MSH3: variants seen among roughly 807,000 people sequenced by gnomAD.
The protein encoded by MSH3 is DNA mismatch repair protein Msh3.
MSH3 carries 106 observed loss-of-function variants against 123.3 expected under a neutral mutation model. The observed-to-expected ratio is 0.86, with a 90% CI of 0.73 to 1.01. The LOEUF (loss-of-function observed/expected upper bound fraction) is 1.01, where lower values mean the gene tolerates loss of function less well. Ranked by LOEUF, MSH3 falls within the 50% of genes least tolerant of loss-of-function variation. MSH3 has a pLI of 0.00. For missense variants in MSH3, 1,459 were observed against 1,347.6 expected, an observed-to-expected ratio of 1.08 and a Z score of -1.29; for synonymous variants, 515 against 481.4, an observed-to-expected ratio of 1.07 and a Z score of -0.91.
At chr5:80,668,252 G>A (rs181371006) in intron 3 of MSH3, among the ~76,000 whole-genome samples, 4 of 152,186 alleles carry the variant, frequency 2.6e-5, no homozygotes, top group Non-Finnish European at 5.9e-5. Context: ...TTCATGGGCT[G>A]CCATGGGCGG....
At chr5:80,702,842 T>A (rs1378735647) in intron 8 of MSH3, among the ~76,000 whole-genome samples, 2 of 152,128 alleles carry the variant, frequency 1.3e-5, no homozygotes, top group Non-Finnish European at 2.9e-5. Context: ...TAAATCCCTG[T>A]CTTTACTAAA....
intron 10 of MSH3, among the ~76,000 whole-genome samples, chr5:80,733,318 G>T (rs1276461422): frequency 3.3e-5 from 5 of 152,112 alleles, no homozygotes; most frequent in African/African-American, 9.7e-5. Context: ...TCATATTTGA[G>T]TTTGGAAGAT....
At chr5:80,807,301 C>G (rs754053722) in intron 19 of MSH3, among the ~76,000 whole-genome samples, 1 of 151,764 alleles carries the variant, frequency 6.6e-6, no homozygotes, top group Non-Finnish European at 1.5e-5. Flanking sequence ...AAGTTAAATT[C>G]CTATGTCATA....
At chr5:80,688,802 G>C (rs539866845) in intron 8 of MSH3, among the ~76,000 whole-genome samples, 52 of 151,610 alleles carry the variant, frequency 3.4e-4, no homozygotes, top group Non-Finnish European at 6.6e-4. Flanking sequence ...TCATTAATTT[G>C]GTTAAGAGGA....
chr5:80,672,016 C>T (rs898766939), intron 4 of MSH3, among the ~76,000 whole-genome samples: 7 of 152,054 alleles, frequency 4.6e-5, no homozygotes, highest in African/African-American at 1.7e-4. Context: ...TTTATAGATA[C>T]AGATGTTGAT....
At position 80,655,118 on chromosome 5, in the gene MSH3, G is replaced by A. The variant is rs1749234125; in HGVS notation, c.237+154G>A. The stretch of plus-strand genomic sequence containing the variant: ...GGGAAGGTGGGAAGAGCCCAGCCGG[G>A]GCTACAAATTGGGTGAAGCGCTGAG... On this transcript the variant is annotated intron_variant, in intron 1 of 23. Transcript: ENST00000265081. The A allele has an allele frequency of 1.9e-5, 10 of 525,132 alleles. No homozygotes were observed. In the South Asian group the frequency reaches 2.8e-4, roughly 15 times the overall value. The allele number at this position is 525,132 out of a possible 1,614,324, so 32.5% of individuals were successfully genotyped here.
chr5:80,750,078 AGTGTGTGT>A (rs57762095), intron 12 of MSH3, among the ~76,000 whole-genome samples: 10 of 134,206 alleles, frequency 7.5e-5, no homozygotes, highest in Admixed American at 2.2e-4. Context: ...AGTATTCCAG[AGTGTGTGT>A]GTGTGTGTGT....
chr5:80,840,971 A>T (rs1745611480), intron 20 of MSH3, among the ~76,000 whole-genome samples: 1 of 151,424 alleles, frequency 6.6e-6, no homozygotes, highest in Non-Finnish European at 1.5e-5. Flanking sequence ...TTTGTTACAT[A>T]TGTATACATG....
At position 80,770,020 on chromosome 5, in the gene MSH3, A is replaced by G. The variant is rs16878158; in HGVS notation, c.2253+1017A>G. On this transcript the variant is annotated intron_variant, in intron 15 of 23. Transcript: ENST00000265081. ...ATATTATACTCAGCAGACATTCACA[A>G]TGCCACATAGAGCTCTATATAACAG... is the stretch of plus-strand genomic sequence containing the variant. Among the ~76,000 whole-genome samples, 289 of 152,246 alleles carry G rather than the reference A, an allele frequency of 1.9e-3. 8 individuals are homozygous for G. The East Asian group carries it at 0.05, about 26-fold the overall frequency.
At chr5:80,776,614 G>A (rs1452090907) in intron 16 of MSH3, among the ~76,000 whole-genome samples, 2 of 151,750 alleles carry the variant, frequency 1.3e-5, no homozygotes, top group Non-Finnish European at 2.9e-5. Context: ...TTTCTCCTTG[G>A]TTAGATACTA....
chr5:80,728,297 T>C (rs1294487744), intron 9 of MSH3, among the ~76,000 whole-genome samples: 1 of 152,218 alleles, frequency 6.6e-6, no homozygotes, highest in Non-Finnish European at 1.5e-5. Context: ...GTGTTTGTGG[T>C]GAGACATGAA....
intron 15 of MSH3, among the ~76,000 whole-genome samples, chr5:80,771,645 T>C (rs1427308076): frequency 1.3e-5 from 2 of 152,200 alleles, no homozygotes; most frequent in Non-Finnish European, 2.9e-5. Context: ...TGTTCTGACA[T>C]TTTATTTCTA....
chr5:80,849,626 G>A lies in MSH3; in HGVS notation c.2814-4504G>A, dbSNP rs551492318. On this transcript the variant is annotated intron_variant, in intron 20 of 23. Coordinates refer to ENST00000265081, the MANE Select transcript of MSH3 (RefSeq NM_002439.5). ...ATCCTCTGAAGCCACAACCTGAGCT[G>A]TACCTTGGCCCCTTTTAGTCATGGC... Among the ~76,000 whole-genome samples the A allele has an allele frequency of 4.6e-5, 7 of 152,276 alleles. No homozygotes were observed. The East Asian group carries it at 1.4e-3, about 29-fold the overall frequency.
intron 10 of MSH3, among the ~76,000 whole-genome samples, chr5:80,736,666 G>A (rs2112863627): frequency 6.6e-6 from 1 of 152,242 alleles, no homozygotes; most frequent in South Asian, 2.1e-4. Flanking sequence ...TACCTTCTTG[G>A]AGCTGGAATT....
At chr5:80,800,794 A>G (rs745742949) in intron 19 of MSH3, among the ~76,000 whole-genome samples, 86 of 152,226 alleles carry the variant, frequency 5.6e-4, no homozygotes, top group Non-Finnish European at 9.3e-4. Flanking sequence ...AGAAGACACA[A>G]TTCCTGCTCT....
At chr5:80,729,077 C>T (rs530695595) in intron 10 of MSH3, 112 bp downstream of exon 10, 1 of 712,996 alleles carries the variant, frequency 1.4e-6, no homozygotes, top group South Asian at 1.6e-5. Flanking sequence ...TGATAGAATA[C>T]TAGGGTGCAA....
At chr5:80,795,070 G>C (rs1312400471) in intron 19 of MSH3, among the ~76,000 whole-genome samples, 3 of 152,192 alleles carry the variant, frequency 2.0e-5, no homozygotes, top group Non-Finnish European at 4.4e-5. Flanking sequence ...TGAGATGTAG[G>C]GGAGCATTTG....
chr5:80,849,738 C>T (rs1745796215), intron 20 of MSH3, among the ~76,000 whole-genome samples: 1 of 152,102 alleles, frequency 6.6e-6, no homozygotes, highest in Non-Finnish European at 1.5e-5. Flanking sequence ...ACTTTTTCCT[C>T]CTTGGCCTCC....
intron 19 of MSH3, among the ~76,000 whole-genome samples, chr5:80,805,593 C>CTTTTT (rs34689496): frequency 9.6e-6 from 1 of 104,498 alleles, no homozygotes; most frequent in Non-Finnish European, 1.9e-5. Flanking sequence ...CCCCCCCTAC[C>CTTTTT]TTTTTTTTTT....
Sources: gnomAD v4.1 joint callset for allele counts (sites outside exome capture counted in the v4.1 genomes callset) on GRCh38, gnomAD v4.1.1 for gene constraint, MANE v1.5 for transcripts, NCBI Gene and HGNC (gene_info 2026-07-23, HGNC 2026-07-21) for gene names.